The following ATRNL1 variants were observed in gnomAD, a reference collection of about 807,000 sequenced individuals.
ATRNL1 encodes attractin-like protein 1.
ATRNL1 carries 95 observed loss-of-function variants against 182.7 expected under a neutral mutation model. That is an observed-to-expected ratio of 0.52 (90% confidence interval 0.44 to 0.62). The LOEUF (loss-of-function observed/expected upper bound fraction) is 0.62. Among genes scored for constraint, ATRNL1 ranks in the 20% least tolerant of loss-of-function variants. The pLI is 0.00. For synonymous variants in ATRNL1, 576 were observed against 568.3 expected, an observed-to-expected ratio of 1.01 and a Z score of -0.19; for missense variants, 1,471 against 1,679.5, an observed-to-expected ratio of 0.88 and a Z score of 2.17.
chr10:115,391,241 G>A (rs561335068), intron 19 of ATRNL1, among the ~76,000 whole-genome samples: 9 of 152,156 alleles, frequency 5.9e-5, no homozygotes, highest in Admixed American at 5.2e-4. Context: ...TCTTCTTTTT[G>A]ATTATAGAAA....
rs148938218 is a variant in ATRNL1 at position 115,103,813 on chromosome 10, C to G, written c.293+9770C>G. Among the ~76,000 whole-genome samples, 106 of 152,314 alleles carry G rather than the reference C, an allele frequency of 7.0e-4. 1 individual carries two copies. The highest frequency in any genetic ancestry group is 2.4e-3 in the African/African-American group (100 of 41,576). On this transcript the variant is annotated intron_variant, in intron 1 of 28. Transcript: ENST00000355044. ...GCAATGTTTGTCTTTCTGTGCCTGG[C>G]TTATTTCATGTAATGTAATGACGTC...
chr10:115,154,839 T>A (rs1200977383), intron 5 of ATRNL1, among the ~76,000 whole-genome samples: 2 of 152,242 alleles, frequency 1.3e-5, no homozygotes, highest in African/African-American at 4.8e-5. Flanking sequence ...CAAGAAACGG[T>A]GCCAGGGAGC....
chr10:115,447,459 G>T (rs1300819633), intron 21 of ATRNL1, among the ~76,000 whole-genome samples: 1 of 151,470 alleles, frequency 6.6e-6, no homozygotes, highest in Non-Finnish European at 1.5e-5. Flanking sequence ...ACAGTTATAA[G>T]TACCTTTAAT....
chr10:115,479,688 T>C (rs1386530397), intron 24 of ATRNL1, among the ~76,000 whole-genome samples: 1 of 151,398 alleles, frequency 6.6e-6, no homozygotes, highest in Non-Finnish European at 1.5e-5. Context: ...ATGCTGGGAA[T>C]CATGCCATTG....
chr10:115,389,548 A>ATG (rs1843879344), intron 19 of ATRNL1, among the ~76,000 whole-genome samples: 1 of 30,196 alleles, frequency 3.3e-5, no homozygotes, highest in African/African-American at 1.1e-4. Flanking sequence ...GTGTATATAT[A>ATG]TATATATATA....
At chr10:115,502,670 C>T (rs1431126103) in intron 24 of ATRNL1, among the ~76,000 whole-genome samples, 5 of 152,042 alleles carry the variant, frequency 3.3e-5, no homozygotes, top group Non-Finnish European at 7.4e-5. Flanking sequence ...TAATCTGACA[C>T]AGCTGTACAT....
In ATRNL1 at chr10:115,094,627, T is replaced by G. The variant is rs11197064; in HGVS notation, c.293+584T>G. 2.1e-4 allele frequency among the ~76,000 whole-genome samples: 32 copies of G among 152,270 alleles called. No individual in the cohort carries two copies. In the East Asian group the frequency reaches 5.6e-3, roughly 27 times the overall value. On this transcript the variant is annotated intron_variant, in intron 1 of 28. Coordinates refer to ENST00000355044, the MANE Select transcript of ATRNL1 (RefSeq NM_207303.4). ...TAAGCGCTTTATGTCAATTTTCTCA[T>G]TTATTCCCTACAACAACTCTGTGAG...
intron 26 of ATRNL1, among the ~76,000 whole-genome samples, chr10:115,554,065 T>C (rs1554996356): frequency 6.6e-6 from 1 of 151,584 alleles, no homozygotes; most frequent in East Asian, 1.9e-4. Context: ...TTTTGTAGAA[T>C]TTCATAGCAC....
At chr10:115,790,204 A>C (rs1288698622) in intron 27 of ATRNL1, among the ~76,000 whole-genome samples, 15 of 151,638 alleles carry the variant, frequency 9.9e-5, no homozygotes, top group Admixed American at 9.8e-4. Flanking sequence ...ACAAGTGGTC[A>C]CCCAGCCTCT....
At chr10:115,275,396 C>G (rs1852059293) in intron 13 of ATRNL1, among the ~76,000 whole-genome samples, 1 of 152,136 alleles carries the variant, frequency 6.6e-6, no homozygotes, top group African/African-American at 2.4e-5. Flanking sequence ...GATTATTTCC[C>G]TTTCCCCAGT....
At chr10:115,227,885 C>G (rs1849761790) in intron 9 of ATRNL1, among the ~76,000 whole-genome samples, 1 of 152,072 alleles carries the variant, frequency 6.6e-6, no homozygotes, top group South Asian at 2.1e-4. Flanking sequence ...AGTTCAGCAC[C>G]AGGAAAAACA....
chr10:115,855,891 C>T (rs1222002339), intron 28 of ATRNL1, among the ~76,000 whole-genome samples: 2 of 152,142 alleles, frequency 1.3e-5, no homozygotes, highest in Admixed American at 6.5e-5. Context: ...ATGTCTGAAA[C>T]CTATCATAGA....
chr10:115,631,357 G>T (rs1375941606), intron 26 of ATRNL1, among the ~76,000 whole-genome samples: 1 of 151,770 alleles, frequency 6.6e-6, no homozygotes, highest in Non-Finnish European at 1.5e-5. Context: ...AAAATAAATT[G>T]ACAATAATTA....
At chr10:115,587,767 C>A (rs1309353489) in intron 26 of ATRNL1, among the ~76,000 whole-genome samples, 2 of 152,152 alleles carry the variant, frequency 1.3e-5, no homozygotes, top group Non-Finnish European at 1.5e-5. Flanking sequence ...TCCTATTCGG[C>A]CATCTTGGCT....
chr10:115,764,009 G>A (rs527343025), intron 27 of ATRNL1, among the ~76,000 whole-genome samples: 93 of 152,106 alleles, frequency 6.1e-4, no homozygotes, highest in African/African-American at 2.0e-3. Context: ...CACTGTTTTC[G>A]GGATTTTTGT....
chr10:115,203,778 G>T (rs192661502), intron 8 of ATRNL1, among the ~76,000 whole-genome samples: 208 of 113,712 alleles, frequency 1.8e-3, no homozygotes, highest in African/African-American at 6.7e-3. Context: ...TGTATTTTTA[G>T]TAGAGACAGG....
chr10:115,683,547 C>CAT (rs1565282102), intron 26 of ATRNL1, among the ~76,000 whole-genome samples: 1 of 18,790 alleles, frequency 5.3e-5, no homozygotes, highest in Non-Finnish European at 2.0e-4. Flanking sequence ...AGAGAACTAG[C>CAT]GTTTTTTTTT....
chr10:115,825,267 A>T (rs565861724), intron 27 of ATRNL1, among the ~76,000 whole-genome samples: 1 of 152,226 alleles, frequency 6.6e-6, no homozygotes, highest in Non-Finnish European at 1.5e-5. Context: ...AACATCTCAC[A>T]CCAGGGCCTG....
chr10:115,297,789 CTGT>C (rs1470151168), intron 15 of ATRNL1, among the ~76,000 whole-genome samples: 7 of 151,936 alleles, frequency 4.6e-5, no homozygotes, highest in Non-Finnish European at 2.9e-5. Context: ...TATTAGAACT[CTGT>C]TGTTTTCTTT....
Sources: allele counts gnomAD v4.1 joint callset (sites outside exome capture counted in the v4.1 genomes callset), GRCh38; gene constraint gnomAD v4.1.1; transcripts MANE v1.5; gene names NCBI Gene and HGNC (gene_info 2026-07-23, HGNC 2026-07-21).